FCSK: variants seen among roughly 807,000 people sequenced by gnomAD.
FCSK encodes the protein L-fucose kinase.
Under a neutral mutation model 122.5 loss-of-function variants are expected in FCSK, and 123 were observed. The observed-to-expected ratio is 1.00, with a 90% CI of 0.87 to 1.17. The LOEUF is 1.17. Among genes scored for constraint, FCSK ranks in the 50% most tolerant of loss-of-function variants. The pLI, the probability that FCSK is intolerant of heterozygous loss-of-function variation, is 0.00. For missense variants in FCSK, 1,366 were observed against 1,450.4 expected (o/e 0.94, Z 0.95); for synonymous variants, 620 against 625.5 (o/e 0.99, Z 0.13).
chr16:70,467,571 C>T (rs1567699954), intron 7 of FCSK, 100 bp downstream of exon 7: 5 of 926,726 alleles, frequency 5.4e-6, no homozygotes, highest in Middle Eastern at 2.2e-4. Flanking sequence ...CCTGGATTTC[C>T]TCGCATGTTC....
In FCSK at chr16:70,474,680, G is replaced by A. The variant is rs551672930; in HGVS notation, c.2141G>A (p.Arg714His). ...TGGGTGGTGGCTGAGTGCCCGGCCCGTGTGGATTTCTCTGGTGAGCCCCTT... is the reference window on the plus strand; with the variant it reads ...TGGGTGGTGGCTGAGTGCCCGGCCCATGTGGATTTCTCTGGTGAGCCCCTT... ...GQWVVAECPA[R>H]VDFSGGWSDT... The change falls in exon 17 of 24, where the codon CGT (arginine) becomes CAT (histidine). Residue 714 changes from arginine to histidine, a missense_variant. Coordinates refer to ENST00000288078, the MANE Select transcript of FCSK (RefSeq NM_145059.3). 26 of 1,600,964 alleles carry A rather than the reference G, an allele frequency of 1.6e-5. No individual in the cohort carries two copies. The East Asian group carries it at 2.0e-4, about 12-fold the overall frequency.
chr16:70,479,532 GC>G, intron 23 of FCSK, 46 bp from the exon 24 acceptor site: 1 of 1,568,078 alleles, frequency 6.4e-7, no homozygotes, highest in East Asian at 2.3e-5. Flanking sequence ...CCTCCAGAAG[GC>G]CTGAGATTTG....
At chr16:70,465,876 C>A (rs2048402262) in intron 4 of FCSK, among the ~76,000 whole-genome samples, 1 of 152,112 alleles carries the variant, frequency 6.6e-6, no homozygotes, top group Non-Finnish European at 1.5e-5. Flanking sequence ...TTGCTTGAAC[C>A]CAGGAGGCGG....
intron 1 of FCSK, 23 bp downstream of exon 1, chr16:70,454,653 C>T (rs1033879620): frequency 6.6e-6 from 1 of 151,316 alleles, no homozygotes; most frequent in Non-Finnish European, 1.5e-5. Context: ...GCGAGGGTCG[C>T]CGCAGCGCCC....
At chr16:70,472,427 G>T in intron 13 of FCSK, 114 bp from the exon 14 acceptor site, 1 of 762,886 alleles carries the variant, frequency 1.3e-6, no homozygotes, top group East Asian at 2.8e-5. Flanking sequence ...TATGTTCTTT[G>T]TCTGTCTTCC....
In FCSK at chr16:70,479,236, A is replaced by G; in HGVS notation, c.2986A>G (p.Met996Val). Residue 996 changes from methionine (M) to valine (V), a missense_variant, in exon 23 of 24, where the codon ATG becomes GTG. Met to Val is a conservative substitution (Grantham distance 21). Coordinates refer to ENST00000288078, the MANE Select transcript of FCSK (RefSeq NM_145059.3). Reference sequence around the variant, plus strand: ...CTCGTACTGGGAGCAGAAGAAGCTCATGGCTCCAGGCTGTGAGCCCCTGAC... The same window carrying G: ...CTCGTACTGGGAGCAGAAGAAGCTCGTGGCTCCAGGCTGTGAGCCCCTGAC... ...LTSYWEQKKL[M>V]APGCEPLTVR... is the part of the protein sequence containing the mutation. 6.2e-7 allele frequency: 1 copy of G among 1,613,780 alleles called. No individual in the cohort carries two copies. The highest frequency in any genetic ancestry group is 8.5e-7 in the Non-Finnish European group (1 of 1,179,954).
Position 70,470,332 on chromosome 16 carries a change from G to T in FCSK, c.974G>T (p.Ser325Ile). 1 of 1,613,464 alleles carries T rather than the reference G, an allele frequency of 6.2e-7. No individual in the cohort carries two copies. ...PLTMAYVSSG[S>I]YSYMTSSASE... is the part of the protein sequence containing the mutation. The stretch of plus-strand genomic sequence containing the variant: ...TTTACAGCCTATGTCTCCAGCGGCA[G>T]CTACAGCTACATGACCTCCTCAGCC... The change falls in exon 11 of 24, where the codon AGC becomes ATC. Residue 325 changes from serine to isoleucine, a missense_variant. Ser to Ile is a moderately radical substitution (Grantham distance 142). Coordinates refer to ENST00000288078, the MANE Select transcript of FCSK (RefSeq NM_145059.3).
chr16:70,462,633 C>T (rs1301271500), intron 1 of FCSK, among the ~76,000 whole-genome samples: 1 of 150,886 alleles, frequency 6.6e-6, no homozygotes, highest in Non-Finnish European at 1.5e-5. Context: ...GCCTGTTCGA[C>T]ATTTTTTCTT....
rs1287114256 is a variant in FCSK at position 70,470,406 on chromosome 16, A to C, written c.1048A>C (p.Ile350Leu). ...ACTCCCCGGGGCTCCTGGGGCCCAG[A>C]TTGTGCACTCCCAGGTGGAGGTGAG... ...LTLPGAPGAQIVHSQVEEQQL... is the reference protein window; with the variant it reads ...LTLPGAPGAQLVHSQVEEQQL... The change falls in exon 11 of 24, where the codon ATT (isoleucine) becomes CTT (leucine). Residue 350 changes from isoleucine to leucine, a missense_variant. Ile to Leu is a conservative substitution (Grantham distance 5). Coordinates refer to ENST00000288078, the MANE Select transcript of FCSK (RefSeq NM_145059.3). 6.2e-7 allele frequency: 1 copy of C among 1,611,920 alleles called. No individual in the cohort carries two copies. Among genetic ancestry groups the C allele is most frequent in the Non-Finnish European group, 8.5e-7 (1 of 1,178,714 alleles).
Position 70,478,419 on chromosome 16 carries a change from T to C in FCSK, c.2789T>C (p.Val930Ala), listed in dbSNP as rs1265050219. 1 of 1,614,158 alleles carries C rather than the reference T, an allele frequency of 6.2e-7. No individual in the cohort carries two copies. Among genetic ancestry groups the C allele is most frequent in the South Asian group, 1.1e-5 (1 of 91,088 alleles). ...AAGCTCAATGACCACCTGCTCTTGG[T>C]GTACACTGGCAAGACCCGCCTGGCT... ...VQKLNDHLLLVYTGKTRLARN... is the reference protein window; with the variant it reads ...VQKLNDHLLLAYTGKTRLARN... Residue 930 changes from valine to alanine, a missense_variant, in exon 21 of 24, where the codon GTG becomes GCG. Physicochemically the swap from Val to Ala is moderately conservative, Grantham distance 64 (BLOSUM62 0). Transcript: ENST00000288078.
At chr16:70,461,300 G>A (rs994135359) in intron 1 of FCSK, among the ~76,000 whole-genome samples, 1 of 152,130 alleles carries the variant, frequency 6.6e-6, no homozygotes, top group Non-Finnish European at 1.5e-5. Context: ...TGAGTTTTGA[G>A]GGGTGGAGGG....
chr16:70,476,521 A>G (rs1486936021), intron 20 of FCSK, among the ~76,000 whole-genome samples: 1 of 151,668 alleles, frequency 6.6e-6, no homozygotes, highest in Non-Finnish European at 1.5e-5. Flanking sequence ...GATCTAATGA[A>G]TGTCACCAGC....
intron 1 of FCSK, among the ~76,000 whole-genome samples, chr16:70,458,338 T>G (rs2048157467): frequency 6.6e-6 from 1 of 151,748 alleles, no homozygotes; most frequent in South Asian, 2.1e-4. Context: ...TTTTGAATTT[T>G]TGGTAGAGAT....
At chr16:70,458,163 CTT>C (rs35217051) in intron 1 of FCSK, among the ~76,000 whole-genome samples, 15 of 140,340 alleles carry the variant, frequency 1.1e-4, no homozygotes, top group Admixed American at 1.4e-4. Flanking sequence ...TTCTTTCTTT[CTT>C]TTTTTTTTTT....
chr16:70,475,604 G>A (rs1199718938), intron 19 of FCSK, 44 bp from the exon 20 acceptor site: 2 of 1,574,900 alleles, frequency 1.3e-6, no homozygotes, highest in Admixed American at 3.6e-5. Flanking sequence ...GGCCTGGGCA[G>A]GGTGGAGGTG....
At position 70,471,228 on chromosome 16, in the gene FCSK, C is replaced by T. The variant is rs753480033; in HGVS notation, c.1217C>T (p.Thr406Ile). ...GGCTGCTTGGTGACTGGCCTGGATA[C>T]AGCCCACTCCAAGGCCCTGCATGGC... ...GAGCLVTGLD[T>I]AHSKALHGRE... The change falls in exon 13 of 24, where the codon ACA becomes ATA. Residue 406 changes from threonine (T) to isoleucine (I), a missense_variant. Thr to Ile is a moderately conservative substitution (Grantham distance 89). Coordinates refer to ENST00000288078, the MANE Select transcript of FCSK (RefSeq NM_145059.3). 1.6e-5 allele frequency: 26 copies of T among 1,610,702 alleles called. No individual in the cohort carries two copies. In the South Asian group the frequency reaches 2.6e-4, roughly 16 times the overall value.
At chr16:70,475,092 G>GGTCTGGCCTGAGGGCCAGCCA (rs1414382832) in intron 18 of FCSK, 81 bp downstream of exon 18, 1 of 1,332,314 alleles carries the variant, frequency 7.5e-7, no homozygotes, top group African/African-American at 1.5e-5. Flanking sequence ...AGGCCAGTGG[G>GGTCTGGCCTGAGGGCCAGCCA]GTCTGGCCTG....
chr16:70,459,819 GAGAT>G (rs2048206989), intron 1 of FCSK, among the ~76,000 whole-genome samples: 1 of 147,676 alleles, frequency 6.8e-6, no homozygotes, highest in Admixed American at 6.8e-5. Context: ...TTTTTTTTTC[GAGAT>G]AGATTTTTGC....
rs2048573055 is a variant in FCSK, at chr16:70,470,384, C to G, written c.1026C>G (p.Leu342=). Residue 342 remains leucine (L), a synonymous_variant, in exon 11 of 24, where the codon CTC becomes CTG. Coordinates refer to ENST00000288078, the MANE Select transcript of FCSK (RefSeq NM_145059.3). ...SASEFLLSLT[L]PGAPGAQIVH... ...GTGAGTTCCTGCTCAGCCTCACACT[C>G]CCCGGGGCTCCTGGGGCCCAGATTG... The G allele has an allele frequency of 6.2e-7, 1 of 1,613,588 alleles. No homozygotes were observed. Among genetic ancestry groups the G allele is most frequent in the African/African-American group, 1.3e-5 (1 of 74,930 alleles).
Sources: allele counts gnomAD v4.1 joint callset (sites outside exome capture counted in the v4.1 genomes callset), GRCh38; gene constraint gnomAD v4.1.1; transcripts MANE v1.5; gene names NCBI Gene and HGNC (gene_info 2026-07-23, HGNC 2026-07-21).